RUNX1: variants seen among roughly 807,000 people sequenced by gnomAD.
RUNX1 encodes the protein RUNX family transcription factor 1.
In RUNX1, 19 loss-of-function variants were observed where a neutral mutation model predicts 42.8. The observed-to-expected ratio is 0.44, with a 90% CI of 0.31 to 0.65. RUNX1 has a LOEUF of 0.65. Ranked by LOEUF, RUNX1 falls within the 30% of genes least tolerant of loss-of-function variation. RUNX1 has a pLI of 0.07. For missense variants in RUNX1, 528 were observed against 672.0 expected, an observed-to-expected ratio of 0.79 and a Z score of 2.37; for synonymous variants, 271 against 289.4, an observed-to-expected ratio of 0.94 and a Z score of 0.64.
intron 2 of RUNX1, among the ~76,000 whole-genome samples, chr21:34,900,385 A>C (rs1179171074): frequency 1.3e-5 from 2 of 152,192 alleles, no homozygotes; most frequent in Non-Finnish European, 2.9e-5. Flanking sequence ...CCTGGATAGC[A>C]ATTTTGCTAC....
chr21:34,916,772 G>C (rs574953041), intron 2 of RUNX1, among the ~76,000 whole-genome samples: 14 of 152,322 alleles, frequency 9.2e-5, no homozygotes, highest in Admixed American at 1.3e-4. Context: ...AGCATGGGAA[G>C]AGAGGGCCCA....
At chr21:34,870,319 T>G (rs543570309) in intron 5 of RUNX1, among the ~76,000 whole-genome samples, 2 of 152,218 alleles carry the variant, frequency 1.3e-5, no homozygotes, top group Non-Finnish European at 2.9e-5. Context: ...CAATCCTCAT[T>G]GTCCCTCTGT....
intron 4 of RUNX1, 69 bp downstream of exon 4, chr21:34,886,774 G>A: frequency 6.2e-7 from 1 of 1,607,696 alleles, no homozygotes; most frequent in Non-Finnish European, 8.5e-7. Context: ...CCTGGCCGCT[G>A]CCCTCGCGGA....
chr21:34,907,578 T>C lies in RUNX1; in HGVS notation c.59-14615A>G, dbSNP rs78483195. Among the ~76,000 whole-genome samples, 1,202 of 152,302 alleles carry C rather than the reference T, an allele frequency of 7.9e-3. 20 individuals are homozygous for C. Among genetic ancestry groups the C allele is most frequent in the African/African-American group, 0.027 (1,132 of 41,568 alleles). Reference sequence around the variant, plus strand: ...TCTTATTTTCTTAGTACTCAATTTGTTACTTGACTTGGTGTTTGGCTCCCT... The same window carrying C: ...TCTTATTTTCTTAGTACTCAATTTGCTACTTGACTTGGTGTTTGGCTCCCT... On this transcript the variant is annotated intron_variant, in intron 2 of 8. Transcript: ENST00000675419. This position sits in a 1 kb window ranked among gnomAD's most constrained non-coding sequence, Gnocchi z 5.3.
Position 34,789,934 on chromosome 21 carries a change from A to C in RUNX1, c.*2201T>G, listed in dbSNP as rs902401401. On this transcript the variant is annotated 3_prime_UTR_variant, in exon 9 of 9. Coordinates refer to ENST00000675419, the MANE Select transcript of RUNX1 (RefSeq NM_001754.5). Reference sequence around the variant, plus strand: ...AGGTCAGACATGGTAACATGTGCTGAAAAAAAACATTTACGTTTAATTTGG... The same window carrying C: ...AGGTCAGACATGGTAACATGTGCTGCAAAAAAACATTTACGTTTAATTTGG... 52 of 228,246 alleles carry C rather than the reference A, an allele frequency of 2.3e-4. No homozygotes were observed. The highest frequency in any genetic ancestry group is 3.9e-4 in the Non-Finnish European group (45 of 114,930). 14.1% of individuals were successfully genotyped at this position (228,246 alleles called of 1,614,324 possible).
rs375131372 is a variant in RUNX1, at chr21:34,892,924, C to A, written c.97+1G>T. 2 of 1,549,254 alleles carry A rather than the reference C, an allele frequency of 1.3e-6. No individual in the cohort carries two copies. The highest frequency in any genetic ancestry group is 1.8e-6 in the Non-Finnish European group (2 of 1,122,236). On this transcript the variant is annotated splice_donor_variant, in intron 3 of 8. Transcript: ENST00000675419. LOFTEE classifies it high-confidence loss of function. Reference sequence around the variant, plus strand: ...AAAATATAACTTGGAATTTAACATACCGTGGACGTCTCTAGAAGGATTCAT... The same window carrying A: ...AAAATATAACTTGGAATTTAACATAACGTGGACGTCTCTAGAAGGATTCAT...
chr21:34,849,464 TATATA>T (rs1222516276), intron 6 of RUNX1, among the ~76,000 whole-genome samples: 4 of 46,354 alleles, frequency 8.6e-5, no homozygotes, highest in African/African-American at 2.7e-4. Flanking sequence ...TAATATATAG[TATATA>T]TATAATATAT....
chr21:34,813,767 A>G (rs1276235035), intron 7 of RUNX1, among the ~76,000 whole-genome samples: 2 of 152,020 alleles, frequency 1.3e-5, no homozygotes, highest in East Asian at 1.9e-4. Flanking sequence ...CACCGTCAAC[A>G]TTACTTAAGG....
At position 34,792,505 on chromosome 21, in the gene RUNX1, G is replaced by T. The variant is rs962671280; in HGVS notation, c.1073C>A (p.Thr358Lys). 5.6e-6 allele frequency: 9 copies of T among 1,600,010 alleles called. No individual in the cohort carries two copies. Among genetic ancestry groups the T allele is most frequent in the Non-Finnish European group, 6.8e-6 (8 of 1,173,412 alleles). ...HYPGAFTYSPTPVTSGIGIGM... is the reference protein window; with the variant it reads ...HYPGAFTYSPKPVTSGIGIGM... The stretch of plus-strand genomic sequence containing the variant: ...GATGCCGATGCCCGAGGTGACCGGC[G>T]TCGGGGAGTAGGTGAAGGCGCCTGG... Residue 358 changes from threonine (T) to lysine (K), a missense_variant, in exon 9 of 9, where the codon ACG becomes AAG. Physicochemically the swap from Thr to Lys is moderately conservative, Grantham distance 78. This residue lies in a region of RUNX1 where 331 missense variants were observed against 382.5 expected (regional missense o/e 0.87). Transcript: ENST00000675419. This position sits in a 1 kb window ranked among gnomAD's most constrained non-coding sequence, Gnocchi z 6.9.
At chr21:34,975,593 G>C (rs1011624717) in intron 2 of RUNX1, among the ~76,000 whole-genome samples, 1 of 152,142 alleles carries the variant, frequency 6.6e-6, no homozygotes, top group Non-Finnish European at 1.5e-5. Flanking sequence ...CATGGATACT[G>C]GGGGGTGACT....
intron 6 of RUNX1, among the ~76,000 whole-genome samples, chr21:34,851,844 T>C (rs1169262726): frequency 6.6e-6 from 1 of 152,206 alleles, no homozygotes; most frequent in Non-Finnish European, 1.5e-5. Flanking sequence ...TTGTTTTCTT[T>C]CTATAGCAAT....
chr21:34,842,716 TAC>T (rs747242558), intron 6 of RUNX1, among the ~76,000 whole-genome samples: 8 of 151,688 alleles, frequency 5.3e-5, no homozygotes, highest in African/African-American at 1.9e-4. Flanking sequence ...TGCACACACA[TAC>T]ACACATACAG....
At chr21:34,823,933 C>T (rs1343912664) in intron 7 of RUNX1, among the ~76,000 whole-genome samples, 2 of 152,140 alleles carry the variant, frequency 1.3e-5, no homozygotes, top group Admixed American at 1.3e-4. Context: ...ACAGGATCTA[C>T]GGAGATCAGA....
intron 5 of RUNX1, among the ~76,000 whole-genome samples, chr21:34,876,175 G>A (rs1163389032): frequency 1.3e-5 from 2 of 152,204 alleles, no homozygotes; most frequent in Non-Finnish European, 2.9e-5. Context: ...GGAAGCGACT[G>A]TCCTTTCAAT....
rs927837657 is a variant in RUNX1, at chr21:34,889,621, C to G, written c.98-2525G>C. The G allele has an allele frequency of 2.0e-5, 21 of 1,066,134 alleles. No homozygotes were observed. In the East Asian group the frequency reaches 5.9e-4, roughly 30 times the overall value. 66.0% of individuals were successfully genotyped at this position (1,066,134 alleles called of 1,614,324 possible). A position where few individuals can be genotyped will look rare whatever the true frequency, so the allele number is the denominator to read the frequency against. On this transcript the variant is annotated intron_variant, in intron 3 of 8. Coordinates refer to ENST00000675419, the MANE Select transcript of RUNX1 (RefSeq NM_001754.5). Reference sequence around the variant, plus strand: ...CTCCCCTCCGGCTCCCCGGAAGCGGCCCCCGCTCCTCTCCCCGCCCCCGTG... The same window carrying G: ...CTCCCCTCCGGCTCCCCGGAAGCGGGCCCCGCTCCTCTCCCCGCCCCCGTG...
intron 2 of RUNX1, among the ~76,000 whole-genome samples, chr21:34,942,146 A>G (rs2058532007): frequency 6.6e-6 from 1 of 152,306 alleles, no homozygotes; most frequent in East Asian, 1.9e-4. Context: ...TCATTCCCCG[A>G]GGTTCCGCCT....
chr21:34,966,293 A>T (rs2058717840), intron 2 of RUNX1, among the ~76,000 whole-genome samples: 1 of 152,256 alleles, frequency 6.6e-6, no homozygotes, highest in South Asian at 2.1e-4. Context: ...AATAAATGAT[A>T]AGCAAACATT....
chr21:34,923,163 C>T (rs928318652), intron 2 of RUNX1, among the ~76,000 whole-genome samples: 1 of 152,184 alleles, frequency 6.6e-6, no homozygotes, highest in Non-Finnish European at 1.5e-5. Flanking sequence ...TATGGCTTAT[C>T]CTTGGCCGTT....
At chr21:34,928,926 G>A (rs2058417916) in intron 2 of RUNX1, among the ~76,000 whole-genome samples, 1 of 142,848 alleles carries the variant, frequency 7.0e-6, no homozygotes. Flanking sequence ...GAAAATCCCT[G>A]AGAGTATTGC....
Sources: gnomAD v4.1 joint callset for allele counts (sites outside exome capture counted in the v4.1 genomes callset) on GRCh38, gnomAD v4.1.1 for gene constraint, gnomAD v4.1.1 regional missense constraint, Gnocchi (gnomAD v3.1) non-coding constraint, MANE v1.5 for transcripts, NCBI Gene and HGNC (gene_info 2026-07-23, HGNC 2026-07-21) for gene names.